Variants in RBM33 observed in about 807,000 individuals in gnomAD.
The protein encoded by RBM33 is RNA-binding protein 33.
In RBM33, 28 loss-of-function variants were observed where a neutral mutation model predicts 132.6. The ratio of observed to expected loss-of-function variants is 0.21; its 90% CI spans 0.16 to 0.29. RBM33 has a LOEUF of 0.29. Ranked by LOEUF, RBM33 falls within the 10% of genes least tolerant of loss-of-function variation. RBM33 has a pLI of 1.00. For synonymous variants in RBM33, 634 were observed against 593.0 expected (o/e 1.07, Z -1.01); for missense variants, 1,291 against 1,518.5 (o/e 0.85, Z 2.49).
intron 3 of RBM33, among the ~76,000 whole-genome samples, chr7:155,673,573 TACACACGTGTATATATATATACACAC>T (rs1799027299): frequency 3.5e-5 from 3 of 86,672 alleles, no homozygotes; most frequent in African/African-American, 5.4e-5. Context: ...CACATATACA[TACACACGTGTATATATATATACACAC>T]ATATACATAC....
intron 9 of RBM33, among the ~76,000 whole-genome samples, chr7:155,723,718 T>G (rs1299259089): frequency 6.6e-6 from 1 of 152,216 alleles, no homozygotes; most frequent in Non-Finnish European, 1.5e-5. Flanking sequence ...CCATGCTAAT[T>G]AGTCAAAGGC....
At chr7:155,734,391 A>G (rs1801048466) in intron 9 of RBM33, among the ~76,000 whole-genome samples, 1 of 152,230 alleles carries the variant, frequency 6.6e-6, no homozygotes, top group African/African-American at 2.4e-5. Context: ...TGACTCAGTT[A>G]CATGAAGAGA....
At chr7:155,710,150 G>A (rs896028004) in intron 7 of RBM33, among the ~76,000 whole-genome samples, 3 of 152,168 alleles carry the variant, frequency 2.0e-5, no homozygotes, top group East Asian at 1.9e-4. Context: ...GAAGCCCTCC[G>A]TAATTTGGCA....
chr7:155,723,595 A>G (rs534263239), intron 9 of RBM33, among the ~76,000 whole-genome samples: 2 of 152,336 alleles, frequency 1.3e-5, no homozygotes, highest in South Asian at 2.1e-4. Flanking sequence ...GCAGCTAAAC[A>G]CTATGGTAAC....
chr7:155,737,548 C>A lies in RBM33; in HGVS notation c.1279C>A (p.Gln427Lys). Residue 427 changes from glutamine (Q) to lysine (K), a missense_variant, in exon 10 of 18, where the codon CAG (glutamine) becomes AAG (lysine). By Grantham distance (53) the Gln-to-Lys change is moderately conservative. Transcript: ENST00000401878. ...TCTTTAGGGCCCTCCAGAATTTCCA[C>A]AGCATACACCTGGACCTGTTCCCAA... ...QRFPGPPEFP[Q>K]HTPGPVPNSF... The A allele has an allele frequency of 6.2e-7, 1 of 1,608,942 alleles. No homozygotes were observed.
At chr7:155,752,509 A>C (rs1286434755) in intron 14 of RBM33, among the ~76,000 whole-genome samples, 1 of 152,218 alleles carries the variant, frequency 6.6e-6, no homozygotes, top group Non-Finnish European at 1.5e-5. Flanking sequence ...CTCATCCTCT[A>C]TAAACCCAAA....
intron 9 of RBM33, among the ~76,000 whole-genome samples, chr7:155,735,022 A>G (rs540635641): frequency 6.6e-5 from 10 of 152,348 alleles, no homozygotes; most frequent in Middle Eastern, 6.8e-3. Context: ...ATGGGGTTAC[A>G]TTAGGATGAG....
chr7:155,701,143 T>A, intron 6 of RBM33, 199 bp downstream of exon 6: 1 of 589,304 alleles, frequency 1.7e-6, no homozygotes, highest in Admixed American at 3.2e-5. Flanking sequence ...GTTTATGGAT[T>A]TAAAATGCTT....
At chr7:155,736,005 G>T (rs12112855) in intron 9 of RBM33, among the ~76,000 whole-genome samples, 3,773 of 152,150 alleles carry the variant, frequency 0.025, 143 homozygotes, top group African/African-American at 0.085. Flanking sequence ...TGGACTTTCT[G>T]TTGTACATGT....
rs544199831 is a variant in RBM33 at position 155,718,564 on chromosome 7, C to T, written c.1260+121C>T. 69 of 777,638 alleles carry T rather than the reference C, an allele frequency of 8.9e-5. 1 individual carries two copies. In the South Asian group the frequency reaches 1.2e-3, roughly 13 times the overall value. 48.2% of individuals were successfully genotyped at this position (777,638 alleles called of 1,614,324 possible). On this transcript the variant is annotated intron_variant, in intron 9 of 17. Coordinates refer to ENST00000401878, the MANE Select transcript of RBM33 (RefSeq NM_053043.3). ...AATTTTAAGGATTTGCAAATATTGA[C>T]AATAATCTCTGCAATAGAAAATGTT...
At chr7:155,673,940 G>GTTGTTTTTTGTTTTTTTTTTTTTTTTTTT in intron 3 of RBM33, among the ~76,000 whole-genome samples, 1 of 54,214 alleles carries the variant, frequency 1.8e-5, no homozygotes, top group African/African-American at 8.3e-5. Flanking sequence ...TTTAGGCTTA[G>GTTGTTTTTTGTTTTTTTTTTTTTTTTTTT]TTTTTTTTTT....
chr7:155,673,765 C>CGT lies in RBM33; in HGVS notation c.171+851_171+852insTG, dbSNP rs1349306212. 5.7e-4 allele frequency among the ~76,000 whole-genome samples: 43 copies of CGT among 75,618 alleles called. 1 individual carries two copies. Among genetic ancestry groups the CGT allele is most frequent in the Non-Finnish European group, 1.1e-3 (36 of 33,938 alleles). 49.6% of individuals were successfully genotyped at this position (75,618 alleles called of 152,430 possible). On this transcript the variant is annotated intron_variant, in intron 3 of 17. Transcript: ENST00000401878. ...ACACACGTGTATATACGCGCGCATG[C>CGT]GCGCACACACACACACACACACACA...
chr7:155,752,659 A>G (rs1211385074), intron 14 of RBM33, among the ~76,000 whole-genome samples: 2 of 152,202 alleles, frequency 1.3e-5, no homozygotes, highest in Non-Finnish European at 2.9e-5. Flanking sequence ...GAGGCCGCCC[A>G]TCGCCCTGTG....
chr7:155,693,214 C>T (rs1378219833), intron 5 of RBM33, among the ~76,000 whole-genome samples: 1 of 151,954 alleles, frequency 6.6e-6, no homozygotes, highest in East Asian at 1.9e-4. Flanking sequence ...GAGAAATATT[C>T]TTTTTCCTTT....
At chr7:155,744,846 C>T in intron 13 of RBM33, 115 bp from the exon 14 acceptor site, 1 of 1,057,274 alleles carries the variant, frequency 9.5e-7, no homozygotes, top group Non-Finnish European at 1.3e-6. Context: ...TGAGTGACTT[C>T]TTTCAGATAC....
chr7:155,741,687 G>A, intron 12 of RBM33, 132 bp from the exon 13 acceptor site: 1 of 842,506 alleles, frequency 1.2e-6, no homozygotes, highest in Non-Finnish European at 1.8e-6. Flanking sequence ...TGAGAAAAAA[G>A]TATCTGCTCC....
intron 12 of RBM33, among the ~76,000 whole-genome samples, chr7:155,741,307 T>G (rs1801326597): frequency 6.6e-6 from 1 of 151,934 alleles, no homozygotes; most frequent in African/African-American, 2.4e-5. Context: ...TGAATATGAC[T>G]AAGCATTTCC....
rs1466492256 is a variant in RBM33, at chr7:155,774,154, G to A, written c.3376-405G>A. On this transcript the variant is annotated intron_variant, in intron 16 of 17. Coordinates refer to ENST00000401878, the MANE Select transcript of RBM33 (RefSeq NM_053043.3). The surrounding 1 kb of genome is among the most constrained non-coding windows in gnomAD (Gnocchi z 4.2). ...CCCCCATACTAAACAGTTTCCTCTGGTGTGATGAGTCCTGTTCTTAAAAAA... is the reference window on the plus strand; with the variant it reads ...CCCCCATACTAAACAGTTTCCTCTGATGTGATGAGTCCTGTTCTTAAAAAA... Among the ~76,000 whole-genome samples, 3 of 152,196 alleles carry A rather than the reference G, an allele frequency of 2.0e-5. No individual in the cohort carries two copies. The highest frequency in any genetic ancestry group is 4.4e-5 in the Non-Finnish European group (3 of 68,042).
intron 8 of RBM33, among the ~76,000 whole-genome samples, chr7:155,714,712 G>T (rs1800408628): frequency 6.6e-6 from 1 of 152,184 alleles, no homozygotes; most frequent in African/African-American, 2.4e-5. Context: ...GGGTGTGGTG[G>T]ATGCTGCTGA....
Sources: gnomAD v4.1 joint callset for allele counts (sites outside exome capture counted in the v4.1 genomes callset) on GRCh38, gnomAD v4.1.1 for gene constraint, Gnocchi (gnomAD v3.1) non-coding constraint, MANE v1.5 for transcripts, NCBI Gene and HGNC (gene_info 2026-07-23, HGNC 2026-07-21) for gene names.